ZFP1: variants seen among roughly 807,000 people sequenced by gnomAD.
ZFP1 encodes the protein zinc finger protein 1 homolog.
In ZFP1, 32 loss-of-function variants were observed where a neutral mutation model predicts 38.5. The observed-to-expected ratio is 0.83, with a 90% CI of 0.63 to 1.12. The LOEUF (loss-of-function observed/expected upper bound fraction) is 1.12. Among genes scored for constraint, ZFP1 ranks in the 50% most tolerant of loss-of-function variants. The pLI is 0.00. For synonymous variants in ZFP1, 245 were observed against 168.8 expected, an observed-to-expected ratio of 1.45 and a Z score of -3.50; for missense variants, 616 against 480.8, an observed-to-expected ratio of 1.28 and a Z score of -2.63.
Position 75,171,997 on chromosome 16 carries a change from A to G in ZFP1, c.*1663A>G, listed in dbSNP as rs780833402. On this transcript the variant is annotated 3_prime_UTR_variant, in exon 4 of 4. Coordinates refer to ENST00000570010, the MANE Select transcript of ZFP1 (RefSeq NM_153688.4). Reference sequence around the variant, plus strand: ...CAGCACTTAAGATTATATGTTTACTAATGTATATTGTATTTTTTGGTAAGG... The same window carrying G: ...CAGCACTTAAGATTATATGTTTACTGATGTATATTGTATTTTTTGGTAAGG... The G allele has an allele frequency of 1.3e-5, 2 of 152,248 alleles. No homozygotes were observed. The highest frequency in any genetic ancestry group is 3.8e-4 in the East Asian group (2 of 5,198). 9.4% of individuals were successfully genotyped at this position (152,248 alleles called of 1,614,324 possible).
chr16:75,120,767 T>TTTTG, the ZFP1 span, among the ~76,000 whole-genome samples: 20,053 of 149,946 alleles, frequency 0.13, 2,099 homozygotes, highest in African/African-American at 0.29. Flanking sequence ...CCAGCTTGTT[T>TTTTG]TTTGTTTGTT....
the ZFP1 span, among the ~76,000 whole-genome samples, chr16:75,136,778 G>C: frequency 6.6e-6 from 1 of 152,142 alleles, no homozygotes; most frequent in Admixed American, 6.6e-5. Context: ...GACTGAGGCA[G>C]GAAGACTGCT....
chr16:75,157,791 GGGTT>G (rs1319885554), intron 2 of ZFP1, among the ~76,000 whole-genome samples: 3 of 151,682 alleles, frequency 2.0e-5, no homozygotes, highest in Non-Finnish European at 4.4e-5. Context: ...TACCTCTTCT[GGGTT>G]GGTTGGTTGG....
chr16:75,147,189 T>C (rs142644347), upstream of ZFP1, among the ~76,000 whole-genome samples: 239 of 152,270 alleles, frequency 1.6e-3, 3 homozygotes, highest in African/African-American at 5.4e-3. Flanking sequence ...TTCTGTACGA[T>C]ACTGTAATGG....
In ZFP1 at chr16:75,171,901, T is replaced by C. The variant is rs1233156538; in HGVS notation, c.*1567T>C. On this transcript the variant is annotated 3_prime_UTR_variant, in exon 4 of 4. Coordinates refer to ENST00000570010, the MANE Select transcript of ZFP1 (RefSeq NM_153688.4). ...GCCTCCTTGGACAACATTGTGAGTCTGTTTTAACATTAATATACTCTTACA... is the reference window on the plus strand; with the variant it reads ...GCCTCCTTGGACAACATTGTGAGTCCGTTTTAACATTAATATACTCTTACA... The C allele has an allele frequency of 6.6e-6, 1 of 152,242 alleles. No individual in the cohort carries two copies. The highest frequency in any genetic ancestry group is 2.4e-5 in the African/African-American group (1 of 41,476). 9.4% of individuals were successfully genotyped at this position (152,242 alleles called of 1,614,324 possible). A position where few individuals can be genotyped will look rare whatever the true frequency, so the allele number is the denominator to read the frequency against.
chr16:75,166,693 A>G (rs999321811), intron 2 of ZFP1, 77 bp from the exon 3 acceptor site: 11 of 1,598,038 alleles, frequency 6.9e-6, no homozygotes, highest in South Asian at 1.1e-5. Context: ...TTCATGATGA[A>G]TGACATAAAG....
At chr16:75,167,168 G>A (rs1187649153) in intron 3 of ZFP1, among the ~76,000 whole-genome samples, 1 of 152,248 alleles carries the variant, frequency 6.6e-6, no homozygotes, top group South Asian at 2.1e-4. Context: ...GTTTTGGGTA[G>A]CATAGAGTTG....
Position 75,169,403 on chromosome 16 carries a change from C to A in ZFP1, c.293C>A (p.Ser98Tyr). 1 of 1,614,088 alleles carries A rather than the reference C, an allele frequency of 6.2e-7. No individual in the cohort carries two copies. ...CTTAATCTGAACACAGACTTTGTTT[C>A]TTTAAGACAAGTACCTTATAAATAT... ...KALNLNTDFVSLRQVPYKYDL... is the reference protein window; with the variant it reads ...KALNLNTDFVYLRQVPYKYDL... The change falls in exon 4 of 4, where the codon TCT becomes TAT. Residue 98 changes from serine (S) to tyrosine (Y), a missense_variant. Transcript: ENST00000570010.
At chr16:75,163,498 G>A (rs1328976002) in intron 2 of ZFP1, among the ~76,000 whole-genome samples, 1 of 151,870 alleles carries the variant, frequency 6.6e-6, no homozygotes, top group Middle Eastern at 3.4e-3. Context: ...TTTTAGTAGA[G>A]ACGGGGTTTC....
chr16:75,156,752 A>G (rs1242449612), intron 2 of ZFP1, among the ~76,000 whole-genome samples: 1 of 152,220 alleles, frequency 6.6e-6, no homozygotes, highest in African/African-American at 2.4e-5. Context: ...AATAGCCACC[A>G]CTCAGGAGTA....
rs375534004 is a variant in ZFP1, at chr16:75,156,371, C to T, written c.15+3405C>T. Among the ~76,000 whole-genome samples the T allele has an allele frequency of 3.9e-5, 6 of 152,126 alleles. No individual in the cohort carries two copies. The East Asian group carries it at 5.8e-4, about 15-fold the overall frequency. On this transcript the variant is annotated intron_variant, in intron 2 of 3. Coordinates refer to ENST00000570010, the MANE Select transcript of ZFP1 (RefSeq NM_153688.4). ...ACTTCGGAGGCTAAGGCAGGAGAAT[C>T]GCTTGAACCCAGGAGGTGGAGGCTG...
At chr16:75,147,842 A>C (rs1222175638), upstream of ZFP1, among the ~76,000 whole-genome samples, 1 of 152,184 alleles carries the variant, frequency 6.6e-6, no homozygotes, top group Non-Finnish European at 1.5e-5. Flanking sequence ...TTCTGGGGAG[A>C]TGCACAGCTA....
intron 2 of ZFP1, among the ~76,000 whole-genome samples, chr16:75,153,497 T>C (rs903567806): frequency 6.6e-6 from 1 of 152,188 alleles, no homozygotes; most frequent in African/African-American, 2.4e-5. Context: ...TAAGATAGCA[T>C]GTTAATCATA....
At chr16:75,168,567 C>T (rs2038230673) in intron 3 of ZFP1, among the ~76,000 whole-genome samples, 1 of 151,242 alleles carries the variant, frequency 6.6e-6, no homozygotes, top group African/African-American at 2.4e-5. Flanking sequence ...AGCAATAAAA[C>T]CAGCAGCAGT....
Position 75,169,471 on chromosome 16 carries a change from A to T in ZFP1, c.361A>T (p.Asn121Tyr), listed in dbSNP as rs373404014. ...TTTGAAATATAATTCAGACTTGCTT[A>T]ATAGTAATAGAAGCTATGCAGGAAA... ...KTLKYNSDLL[N>Y]SNRSYAGKQT... Residue 121 changes from asparagine (N) to tyrosine (Y), a missense_variant, in exon 4 of 4, where the codon AAT becomes TAT. Coordinates refer to ENST00000570010, the MANE Select transcript of ZFP1 (RefSeq NM_153688.4). 5.6e-6 allele frequency: 9 copies of T among 1,613,040 alleles called. No individual in the cohort carries two copies. Among genetic ancestry groups the T allele is most frequent in the Non-Finnish European group, 7.6e-6 (9 of 1,179,796 alleles).
chr16:75,167,124 C>T (rs2038133111), intron 3 of ZFP1, among the ~76,000 whole-genome samples: 1 of 152,178 alleles, frequency 6.6e-6, no homozygotes, highest in Admixed American at 6.5e-5. Flanking sequence ...GCTGTCAAGC[C>T]ATATGCAATT....
the ZFP1 span, among the ~76,000 whole-genome samples, chr16:75,136,705 C>CA: frequency 6.6e-6 from 1 of 151,798 alleles, no homozygotes; most frequent in East Asian, 1.9e-4. Flanking sequence ...CCCATCTCCA[C>CA]AAAAAAATAC....
At chr16:75,165,115 G>A (rs972567507) in intron 2 of ZFP1, among the ~76,000 whole-genome samples, 23 of 151,944 alleles carry the variant, frequency 1.5e-4, no homozygotes, top group African/African-American at 4.8e-4. Flanking sequence ...TCCATAAATC[G>A]AGTTTTATTG....
the ZFP1 span, among the ~76,000 whole-genome samples, chr16:75,121,442 G>T: frequency 3.7e-4 from 57 of 152,056 alleles, no homozygotes; most frequent in African/African-American, 1.4e-3. Flanking sequence ...TTAATTTTAT[G>T]TTTGATTTGG....
Sources: gnomAD v4.1 joint callset for allele counts (sites outside exome capture counted in the v4.1 genomes callset) on GRCh38, gnomAD v4.1.1 for gene constraint, MANE v1.5 for transcripts, NCBI Gene and HGNC (gene_info 2026-07-23, HGNC 2026-07-21) for gene names.